DLG2: variants seen among roughly 807,000 people sequenced by gnomAD.
DLG2 encodes disks large homolog 2.
DLG2 carries 45 observed loss-of-function variants against 132.5 expected under a neutral mutation model. The observed-to-expected ratio is 0.34, with a 90% CI of 0.27 to 0.44. The LOEUF (loss-of-function observed/expected upper bound fraction) is 0.44, where lower values mean the gene tolerates loss of function less well. Among genes scored for constraint, DLG2 ranks in the 20% least tolerant of loss-of-function variants. The pLI, the probability that DLG2 is intolerant of heterozygous loss-of-function variation, is 1.00. For synonymous variants in DLG2, 424 were observed against 419.6 expected (o/e 1.01, Z -0.13); for missense variants, 1,045 against 1,196.9 (o/e 0.87, Z 1.87).
At chr11:85,203,685 T>C (rs561320440) in intron 4 of DLG2, among the ~76,000 whole-genome samples, 3 of 152,076 alleles carry the variant, frequency 2.0e-5, no homozygotes, top group Non-Finnish European at 2.9e-5. Flanking sequence ...CCAAACTCAT[T>C]GTATGAGGCC....
intron 10 of DLG2, among the ~76,000 whole-genome samples, chr11:84,074,967 G>C (rs1372147103): frequency 6.6e-6 from 1 of 152,028 alleles, no homozygotes; most frequent in Non-Finnish European, 1.5e-5. Context: ...ATTTATTCTT[G>C]TGCTCTCATC....
At chr11:84,970,078 G>C (rs1566539451) in intron 6 of DLG2, among the ~76,000 whole-genome samples, 1 of 151,976 alleles carries the variant, frequency 6.6e-6, no homozygotes, top group Non-Finnish European at 1.5e-5. Flanking sequence ...ATGATAGCTT[G>C]ATGGGTGCAG....
At chr11:83,996,366 T>G (rs146479916) in intron 11 of DLG2, among the ~76,000 whole-genome samples, 4 of 152,182 alleles carry the variant, frequency 2.6e-5, no homozygotes, top group African/African-American at 9.6e-5. Flanking sequence ...CCTTGTACAC[T>G]GTTGGTGGAA....
chr11:83,577,317 T>A (rs1288398493), intron 19 of DLG2, among the ~76,000 whole-genome samples: 2 of 150,158 alleles, frequency 1.3e-5, no homozygotes. Context: ...TATATATATA[T>A]CTTATTAGTT....
chr11:85,237,839 C>A (rs1173966296), intron 4 of DLG2, among the ~76,000 whole-genome samples: 1 of 152,024 alleles, frequency 6.6e-6, no homozygotes, highest in African/African-American at 2.4e-5. Context: ...TTTTCATTGT[C>A]CAGCCCTTCT....
chr11:85,090,332 T>C (rs541383406), intron 6 of DLG2, among the ~76,000 whole-genome samples: 1 of 152,226 alleles, frequency 6.6e-6, no homozygotes, highest in Non-Finnish European at 1.5e-5. Context: ...TTCTCTGTCA[T>C]CTTTTCCTGC....
intron 6 of DLG2, among the ~76,000 whole-genome samples, chr11:84,728,632 T>C (rs553454123): frequency 6.6e-6 from 1 of 152,326 alleles, no homozygotes; most frequent in African/African-American, 2.4e-5. Flanking sequence ...ATTCCCTCTT[T>C]TTCTATTGTT....
chr11:85,552,231 T>C (rs1036248476), intron 3 of DLG2, among the ~76,000 whole-genome samples: 5 of 151,366 alleles, frequency 3.3e-5, no homozygotes, highest in African/African-American at 1.2e-4. Flanking sequence ...CAACGAGTGG[T>C]GCTACAAGAA....
chr11:84,358,983 G>T (rs2098634282), intron 7 of DLG2, among the ~76,000 whole-genome samples: 1 of 151,750 alleles, frequency 6.6e-6, no homozygotes, highest in Non-Finnish European at 1.5e-5. Flanking sequence ...GTTTTATGGG[G>T]GAGAGATACA....
At chr11:83,935,974 T>C (rs921813038) in intron 14 of DLG2, among the ~76,000 whole-genome samples, 3 of 152,206 alleles carry the variant, frequency 2.0e-5, no homozygotes, top group Non-Finnish European at 2.9e-5. Context: ...AAGCACTTAG[T>C]TCAGTCCGTG....
At chr11:85,423,103 G>T (rs529965474) in intron 3 of DLG2, among the ~76,000 whole-genome samples, 1 of 152,152 alleles carries the variant, frequency 6.6e-6, no homozygotes, top group African/African-American at 2.4e-5. Context: ...GCTGAAGGCT[G>T]TTGTTCAGAT....
chr11:83,743,883 A>G (rs1281111947), intron 18 of DLG2, among the ~76,000 whole-genome samples: 1 of 152,196 alleles, frequency 6.6e-6, no homozygotes, highest in African/African-American at 2.4e-5. Flanking sequence ...GGTTGGCTAT[A>G]TTTATTACGT....
intron 7 of DLG2, among the ~76,000 whole-genome samples, chr11:84,299,190 T>A (rs973621790): frequency 3.9e-5 from 6 of 152,184 alleles, no homozygotes; most frequent in Admixed American, 1.3e-4. Flanking sequence ...TTTCCAAAGA[T>A]ACGTAAGTGT....
chr11:84,322,889 C>T (rs1304344201), intron 7 of DLG2, among the ~76,000 whole-genome samples: 3 of 151,932 alleles, frequency 2.0e-5, no homozygotes, highest in East Asian at 1.9e-4. Flanking sequence ...CACGCCCAGC[C>T]GATAATTTCA....
intron 6 of DLG2, among the ~76,000 whole-genome samples, chr11:84,891,634 G>T (rs1029587967): frequency 6.6e-6 from 1 of 152,048 alleles, no homozygotes; most frequent in Admixed American, 6.6e-5. Flanking sequence ...CATATTTACA[G>T]CCATATGTTT....
chr11:83,959,225 A>G (rs1476239183), intron 14 of DLG2, among the ~76,000 whole-genome samples: 5 of 152,244 alleles, frequency 3.3e-5, no homozygotes, highest in South Asian at 2.1e-4. Flanking sequence ...ATAGATTAAA[A>G]AATCTACCTA....
At chr11:84,240,250 T>A (rs565628062) in intron 8 of DLG2, among the ~76,000 whole-genome samples, 1 of 152,212 alleles carries the variant, frequency 6.6e-6, no homozygotes, top group Non-Finnish European at 1.5e-5. Flanking sequence ...ACTTGGGTCC[T>A]TTTAAGACCT....
At chr11:84,932,478 A>G (rs2048212343) in intron 6 of DLG2, among the ~76,000 whole-genome samples, 1 of 151,912 alleles carries the variant, frequency 6.6e-6, no homozygotes, top group Non-Finnish European at 1.5e-5. Context: ...GGTTTTTTGT[A>G]CCTATTGACC....
At chr11:83,549,444 T>C (rs1448274804) in intron 19 of DLG2, among the ~76,000 whole-genome samples, 1 of 152,102 alleles carries the variant, frequency 6.6e-6, no homozygotes, top group Non-Finnish European at 1.5e-5. Context: ...TTCAATGAGA[T>C]GATAAAGGAA....
Sources: gnomAD v4.1 joint callset for allele counts (sites outside exome capture counted in the v4.1 genomes callset) on GRCh38, gnomAD v4.1.1 for gene constraint, MANE v1.5 for transcripts, NCBI Gene and HGNC (gene_info 2026-07-23, HGNC 2026-07-21) for gene names.